Variants in PSMA6 observed in about 807,000 individuals in gnomAD.
PSMA6 encodes proteasome 20S subunit alpha 6.
For synonymous variants in PSMA6, 88 were observed against 97.7 expected (o/e 0.90, Z 0.59); for missense variants, 170 against 294.8 (o/e 0.58, Z 3.10).
At chr14:35,305,478 C>G (rs1385883801) in intron 1 of PSMA6, among the ~76,000 whole-genome samples, 1 of 152,152 alleles carries the variant, frequency 6.6e-6, no homozygotes, top group Non-Finnish European at 1.5e-5. Flanking sequence ...CATTTTTGCT[C>G]TGTTCTTTTG....
At chr14:35,299,327 C>CTTTTTTTTTTTTTTTTTTTT (rs71445906) in intron 1 of PSMA6, among the ~76,000 whole-genome samples, 978 of 65,966 alleles carry the variant, frequency 0.015, 298 homozygotes, top group African/African-American at 0.024. Context: ...TGCCCAGCCT[C>CTTTTTTTTTTTTTTTTTTTT]TTTTTTTTTT....
At chr14:35,284,892 A>G in intron 1 of PSMA6, among the ~76,000 whole-genome samples, 1 of 152,236 alleles carries the variant, frequency 6.6e-6, no homozygotes, top group East Asian at 1.9e-4. Flanking sequence ...TACTTGTAAG[A>G]CATCATCCCA....
upstream of PSMA6, among the ~76,000 whole-genome samples, chr14:35,288,240 G>A (rs2051441436): frequency 6.6e-6 from 1 of 152,226 alleles, no homozygotes. Context: ...GCTCACGCCT[G>A]TAATCCCAGC....
At chr14:35,298,605 C>A (rs1263155520) in intron 1 of PSMA6, among the ~76,000 whole-genome samples, 1 of 152,066 alleles carries the variant, frequency 6.6e-6, no homozygotes, top group East Asian at 1.9e-4. Flanking sequence ...AAAATTTTAG[C>A]CCAAACCAAA....
intron 1 of PSMA6, 97 bp downstream of exon 1, chr14:35,292,649 A>G: frequency 6.5e-7 from 1 of 1,545,110 alleles, no homozygotes; most frequent in Non-Finnish European, 8.7e-7. Flanking sequence ...TCTGGGGCCG[A>G]AGCTGGGCTG....
At chr14:35,286,653 G>A (rs2051424927) in intron 1 of PSMA6, among the ~76,000 whole-genome samples, 1 of 152,192 alleles carries the variant, frequency 6.6e-6, no homozygotes, top group South Asian at 2.1e-4. Context: ...GTATTTAAAT[G>A]TCCTTTGGGT....
chr14:35,317,050 TATA>T (rs1304710573), intron 6 of PSMA6, 196 bp from the exon 7 acceptor site: 11 of 501,968 alleles, frequency 2.2e-5, no homozygotes, highest in African/African-American at 1.2e-4. Context: ...GTGAAGGTGG[TATA>T]ATATCTGGGA....
At chr14:35,282,547 A>T (rs1020229049) in intron 1 of PSMA6, among the ~76,000 whole-genome samples, 1 of 152,098 alleles carries the variant, frequency 6.6e-6, no homozygotes, top group African/African-American at 2.4e-5. Flanking sequence ...AGGATGAGCC[A>T]TTGCACCTAA....
At chr14:35,312,774 T>C in intron 4 of PSMA6, 107 bp from the exon 5 acceptor site, 3 of 1,025,044 alleles carry the variant, frequency 2.9e-6, no homozygotes, top group Non-Finnish European at 4.2e-6. Flanking sequence ...TATCCTAAAA[T>C]TGATGGCCAA....
At chr14:35,298,364 C>T (rs757542861) in intron 1 of PSMA6, among the ~76,000 whole-genome samples, 10 of 151,892 alleles carry the variant, frequency 6.6e-5, no homozygotes, top group African/African-American at 9.7e-5. Flanking sequence ...GTGGCGTGCC[C>T]CTGTAGACCC....
chr14:35,310,132 A>AT (rs2051913593), intron 3 of PSMA6: 1 of 410,698 alleles, frequency 2.4e-6, no homozygotes. Flanking sequence ...TAAAAAAAAA[A>AT]TGAAAAACTA....
chr14:35,280,265 C>T (rs2051352597), intron 1 of PSMA6, among the ~76,000 whole-genome samples: 1 of 152,132 alleles, frequency 6.6e-6, no homozygotes. Context: ...CATGGCAAAA[C>T]CCTGTCTCTA....
intron 1 of PSMA6, among the ~76,000 whole-genome samples, chr14:35,278,971 C>A (rs967757005): frequency 6.6e-6 from 1 of 152,056 alleles, no homozygotes; most frequent in Non-Finnish European, 1.5e-5. Flanking sequence ...GGAACTCTTT[C>A]GTAACATGTT....
intron 1 of PSMA6, among the ~76,000 whole-genome samples, chr14:35,280,042 G>A (rs566044121): frequency 1.3e-4 from 20 of 151,814 alleles, no homozygotes; most frequent in Admixed American, 2.6e-4. Flanking sequence ...GGAGAATGGC[G>A]TGAACCAGGG....
At chr14:35,295,762 C>G (rs1416167050) in intron 1 of PSMA6, among the ~76,000 whole-genome samples, 1 of 152,152 alleles carries the variant, frequency 6.6e-6, no homozygotes, top group Non-Finnish European at 1.5e-5. Flanking sequence ...TGAAATATTT[C>G]TCTTAATGTA....
At chr14:35,310,282 A>G (rs1225858216) in intron 3 of PSMA6, 1 of 418,818 alleles carries the variant, frequency 2.4e-6, no homozygotes, top group Non-Finnish European at 4.7e-6. Context: ...TCAACCTCCC[A>G]GGTAGCTGGG....
chr14:35,292,248 C>T, upstream of PSMA6: 1 of 1,307,724 alleles, frequency 7.6e-7, no homozygotes, highest in East Asian at 3.1e-5. Context: ...TTGGCGCAGG[C>T]GCATACCTTC....
At chr14:35,279,802 A>G (rs1307289982) in intron 1 of PSMA6, among the ~76,000 whole-genome samples, 1 of 152,238 alleles carries the variant, frequency 6.6e-6, no homozygotes, top group African/African-American at 2.4e-5. Flanking sequence ...TCAGTATTGA[A>G]TAGTTTGTAC....
intron 1 of PSMA6, among the ~76,000 whole-genome samples, chr14:35,281,142 T>C (rs2051362356): frequency 6.6e-6 from 1 of 152,178 alleles, no homozygotes; most frequent in Non-Finnish European, 1.5e-5. Flanking sequence ...AAAGCATTCA[T>C]GGGAGGGATG....
Sources: gnomAD v4.1 joint callset for allele counts (sites outside exome capture counted in the v4.1 genomes callset) on GRCh38, gnomAD v4.1.1 for gene constraint, MANE v1.5 for transcripts, NCBI Gene and HGNC (gene_info 2026-07-23, HGNC 2026-07-21) for gene names.